The following FMNL2 variants were observed in gnomAD, a reference collection of about 807,000 sequenced individuals.
FMNL2 encodes the protein formin like 2, also known as formin-like protein 2.
FMNL2 carries 51 observed loss-of-function variants against 130.2 expected under a neutral mutation model. The observed-to-expected ratio is 0.39, with a 90% confidence interval of 0.31 to 0.49. The LOEUF is 0.49. Among genes scored for constraint, FMNL2 ranks in the 20% least tolerant of loss-of-function variants. The pLI is 0.85. For synonymous variants in FMNL2, 465 were observed against 467.1 expected (o/e 1.00, Z 0.06); for missense variants, 977 against 1,316.2 (o/e 0.74, Z 3.99).
chr2:152,495,653 C>CAAAAAAAAAAAAA lies in FMNL2; in HGVS notation c.118-26288_118-26276dup, dbSNP rs55989531. On this transcript the variant is annotated intron_variant, in intron 1 of 25. Transcript: ENST00000288670. ...GTGACAGAGTGAGACTCCGTCTCAC[C>CAAAAAAAAAAAAA]AAAAAAAAAAAAAAGATTTTTTTCA... Among the ~76,000 whole-genome samples, 64 of 48,536 alleles carry CAAAAAAAAAAAAA rather than the reference C, an allele frequency of 1.3e-3. 8 individuals carry two copies. The highest frequency in any genetic ancestry group is 4.0e-3 in the African/African-American group (56 of 14,128). 31.8% of individuals were successfully genotyped at this position (48,536 alleles called of 152,430 possible).
chr2:152,382,163 A>G (rs1280974036), intron 1 of FMNL2, among the ~76,000 whole-genome samples: 4 of 152,156 alleles, frequency 2.6e-5, no homozygotes, highest in Non-Finnish European at 5.9e-5. Context: ...ATAGGAGGTA[A>G]ATATACTTTT....
chr2:152,398,879 A>T (rs1389974275), intron 1 of FMNL2, among the ~76,000 whole-genome samples: 3 of 152,214 alleles, frequency 2.0e-5, no homozygotes, highest in Admixed American at 2.0e-4. Context: ...TTGAGAAGAG[A>T]AGGCAATTGT....
chr2:152,569,544 TG>T (rs1475495598), intron 6 of FMNL2, among the ~76,000 whole-genome samples: 2 of 151,896 alleles, frequency 1.3e-5, no homozygotes, highest in East Asian at 3.9e-4. Context: ...TAGCCGGGCG[TG>T]GTGGTGCCAC....
At chr2:152,616,982 C>G (rs1258703320) in intron 12 of FMNL2, 109 bp from the exon 13 acceptor site, 4 of 822,978 alleles carry the variant, frequency 4.9e-6, no homozygotes, top group Non-Finnish European at 5.8e-6. Flanking sequence ...ACTTGCGGAA[C>G]ACATGCAGGG....
At chr2:152,583,439 C>T (rs1405509313) in intron 9 of FMNL2, among the ~76,000 whole-genome samples, 2 of 152,178 alleles carry the variant, frequency 1.3e-5, no homozygotes, top group Non-Finnish European at 2.9e-5. Flanking sequence ...AAAAAGTACA[C>T]ACTCAAGAAA....
chr2:152,497,527 G>C (rs2105310096), intron 1 of FMNL2, among the ~76,000 whole-genome samples: 1 of 152,248 alleles, frequency 6.6e-6, no homozygotes, highest in African/African-American at 2.4e-5. Context: ...TGCTCAGAAG[G>C]TGTCATTTCT....
intron 23 of FMNL2, among the ~76,000 whole-genome samples, chr2:152,638,456 C>T (rs1682805422): frequency 6.6e-6 from 1 of 152,200 alleles, no homozygotes; most frequent in Non-Finnish European, 1.5e-5. Context: ...GGGTTCTCCA[C>T]ACTTTTGAGA....
At chr2:152,353,270 G>T (rs966005510) in intron 1 of FMNL2, among the ~76,000 whole-genome samples, 4 of 152,162 alleles carry the variant, frequency 2.6e-5, no homozygotes, top group African/African-American at 9.6e-5. Context: ...TTGGCTGAAG[G>T]TTATAATACA....
chr2:152,483,130 A>AT (rs1160561248), intron 1 of FMNL2, among the ~76,000 whole-genome samples: 2 of 152,180 alleles, frequency 1.3e-5, no homozygotes, highest in African/African-American at 4.8e-5. Context: ...TGCTGTAAGA[A>AT]TTCCATAAAG....
chr2:152,610,246 G>A (rs1488793241), intron 10 of FMNL2, among the ~76,000 whole-genome samples: 1 of 152,108 alleles, frequency 6.6e-6, no homozygotes, highest in East Asian at 1.9e-4. Context: ...TTCACATTTT[G>A]TACAACATAA....
rs943145301 is a variant in FMNL2 at position 152,575,719 on chromosome 2, G to T, written c.705+475G>T. The stretch of plus-strand genomic sequence containing the variant: ...ACTACTAAAGATTGAATAAGCTGCT[G>T]TTGCAGGTAGTAATGAAACAACTCT... On this transcript the variant is annotated intron_variant, in intron 7 of 25. Transcript: ENST00000288670. Among the ~76,000 whole-genome samples the T allele has an allele frequency of 3.3e-5, 5 of 152,212 alleles. No individual in the cohort carries two copies. The East Asian group carries it at 9.6e-4, about 29-fold the overall frequency.
chr2:152,494,306 C>A (rs1342231732), intron 1 of FMNL2, among the ~76,000 whole-genome samples: 1 of 152,210 alleles, frequency 6.6e-6, no homozygotes, highest in East Asian at 1.9e-4. Flanking sequence ...ACCTCAGCAT[C>A]TGACCCAAAA....
At position 152,637,586 on chromosome 2, in the gene FMNL2, A is replaced by C. The variant is rs1682728948; in HGVS notation, c.2858A>C (p.Asp953Ala). Reference sequence around the variant, plus strand: ...GCTTCTTCACAGGATGCCTTTGATGATGTTGTGAAGTATTTTGGAGAAAAC... The same window carrying C: ...GCTTCTTCACAGGATGCCTTTGATGCTGTTGTGAAGTATTTTGGAGAAAAC... The part of the protein sequence containing the change: ...DAKIAQDAFD[D>A]VVKYFGENPK... Residue 953 changes from aspartate (D) to alanine (A), a missense_variant, in exon 23 of 26, where the codon GAT becomes GCT. Asp to Ala is a moderately radical substitution (Grantham distance 126, BLOSUM62 -2). Around this residue, in one of 4 missense-constraint regions of FMNL2, gnomAD observed 689 missense variants for 995.9 expected, o/e 0.69. Transcript: ENST00000288670. 1.2e-6 allele frequency: 2 copies of C among 1,613,838 alleles called. No individual in the cohort carries two copies. Among genetic ancestry groups the C allele is most frequent in the Non-Finnish European group, 1.7e-6 (2 of 1,179,860 alleles).
intron 9 of FMNL2, among the ~76,000 whole-genome samples, chr2:152,594,424 A>G (rs1697644108): frequency 6.6e-6 from 1 of 152,238 alleles, no homozygotes; most frequent in African/African-American, 2.4e-5. Context: ...AGAGATCACT[A>G]TGACTGCAGA....
intron 9 of FMNL2, among the ~76,000 whole-genome samples, chr2:152,602,343 CA>C (rs1315503623): frequency 1.3e-5 from 2 of 152,190 alleles, no homozygotes; most frequent in African/African-American, 4.8e-5. Flanking sequence ...TCTTGGTTTT[CA>C]GTAGGGTACA....
intron 4 of FMNL2, among the ~76,000 whole-genome samples, chr2:152,556,659 A>T (rs996406205): frequency 6.6e-6 from 1 of 152,322 alleles, no homozygotes; most frequent in South Asian, 2.1e-4. Context: ...CTCTTGTCCA[A>T]TTGGTGGCTG....
chr2:152,344,486 A>G (rs1016213123), intron 1 of FMNL2, among the ~76,000 whole-genome samples: 5 of 152,218 alleles, frequency 3.3e-5, no homozygotes, highest in African/African-American at 7.2e-5. Flanking sequence ...AAAATGAAAG[A>G]TATTTGATTC....
intron 1 of FMNL2, among the ~76,000 whole-genome samples, chr2:152,345,797 G>T (rs143723054): frequency 0.01 from 1,559 of 152,270 alleles, 20 homozygotes; most frequent in African/African-American, 0.035. Context: ...CGAACCTGGA[G>T]AAGCCATTTA....
intron 9 of FMNL2, among the ~76,000 whole-genome samples, chr2:152,603,819 G>T (rs547655568): frequency 6.6e-6 from 1 of 151,074 alleles, no homozygotes; most frequent in African/African-American, 2.4e-5. Context: ...TAGTAACTGT[G>T]TTTGTGTTGC....
Sources: gnomAD v4.1 joint callset for allele counts (sites outside exome capture counted in the v4.1 genomes callset) on GRCh38, gnomAD v4.1.1 for gene constraint, gnomAD v4.1.1 regional missense constraint, MANE v1.5 for transcripts, NCBI Gene and HGNC (gene_info 2026-07-23, HGNC 2026-07-21) for gene names.